Variants in WDR72 observed in about 807,000 individuals in gnomAD.
WDR72 encodes the protein WD repeat domain 72.
In WDR72, 120 loss-of-function variants were observed where a neutral mutation model predicts 124.2. That is an observed-to-expected ratio of 0.97 (90% confidence interval 0.83 to 1.12). WDR72 has a LOEUF of 1.12. Ranked by LOEUF, WDR72 falls within the 50% of genes most tolerant of loss-of-function variation. The pLI, the probability that WDR72 is intolerant of heterozygous loss-of-function variation, is 0.00. For missense variants in WDR72, 1,387 were observed against 1,278.8 expected (o/e 1.08, Z -1.29); for synonymous variants, 452 against 441.7 (o/e 1.02, Z -0.29).
rs1361334691 is a variant in WDR72, at chr15:53,515,103, A to ACACACG, written c.*2595_*2596insCGTGTG. ...TGTATGTATACACACACACACACACACACAAATACATTCATAAATATCACC... is the reference window on the plus strand; with the variant it reads ...TGTATGTATACACACACACACACACACACACGCACAAATACATTCATAAATATCACC... On this transcript the variant is annotated 3_prime_UTR_variant, in exon 20 of 20. Coordinates refer to ENST00000360509, the MANE Select transcript of WDR72 (RefSeq NM_182758.4). The ACACACG allele has an allele frequency of 7.5e-6, 1 of 133,890 alleles. No homozygotes were observed. The highest frequency in any genetic ancestry group is 2.7e-5 in the African/African-American group (1 of 37,690). 8.3% of individuals were successfully genotyped at this position (133,890 alleles called of 1,614,324 possible). A position where few individuals can be genotyped will look rare whatever the true frequency, so the allele number is the denominator to read the frequency against.
At chr15:53,761,944 G>A (rs1329348771), upstream of WDR72, among the ~76,000 whole-genome samples, 1 of 152,106 alleles carries the variant, frequency 6.6e-6, no homozygotes. Context: ...CAGCATCCTA[G>A]CCTGTTGTGA....
At chr15:53,532,032 C>T (rs12440842) in intron 18 of WDR72, among the ~76,000 whole-genome samples, 38,554 of 151,964 alleles carry the variant, frequency 0.25, 5,142 homozygotes, top group African/African-American at 0.34. Context: ...AGAGGAAACA[C>T]AACCCAAAGT....
intron 13 of WDR72, among the ~76,000 whole-genome samples, chr15:53,667,933 T>C (rs2015836047): frequency 1.3e-5 from 2 of 152,200 alleles, no homozygotes; most frequent in African/African-American, 4.8e-5. Context: ...TTGTAATCCA[T>C]TTTCATTCAT....
chr15:53,660,212 TTTG>T (rs1172277286), intron 14 of WDR72, among the ~76,000 whole-genome samples: 3 of 148,234 alleles, frequency 2.0e-5, no homozygotes, highest in Non-Finnish European at 4.4e-5. Context: ...AAAATAAATA[TTTG>T]TTCTTTTTTT....
At chr15:53,575,483 C>T (rs1479966120) in intron 18 of WDR72, among the ~76,000 whole-genome samples, 3 of 152,210 alleles carry the variant, frequency 2.0e-5, no homozygotes, top group South Asian at 4.1e-4. Context: ...TATCCCATAA[C>T]ACAACTTTAC....
intron 14 of WDR72, among the ~76,000 whole-genome samples, chr15:53,625,819 G>A (rs1189166569): frequency 1.3e-5 from 2 of 151,236 alleles, no homozygotes; most frequent in Non-Finnish European, 2.9e-5. Flanking sequence ...AAATGTAATA[G>A]GTGTGAAAGT....
intron 8 of WDR72, 43 bp downstream of exon 8, chr15:53,711,293 T>C (rs199853038): frequency 2.5e-6 from 4 of 1,613,724 alleles, no homozygotes; most frequent in Non-Finnish European, 3.4e-6. Flanking sequence ...CAAAGTTCAT[T>C]TTCTACCTGA....
chr15:53,647,209 C>G (rs118101825), intron 14 of WDR72, among the ~76,000 whole-genome samples: 4,293 of 152,158 alleles, frequency 0.028, 82 homozygotes, highest in Non-Finnish European at 0.043. Flanking sequence ...AATACTAACT[C>G]AGACACCAAA....
intron 1 of WDR72, chr15:53,756,605 A>AG (rs1036613003): frequency 6.6e-6 from 1 of 152,076 alleles, no homozygotes; most frequent in African/African-American, 2.4e-5. Context: ...AACTTGTTAA[A>AG]AAAAAAAGAC....
chr15:53,598,969 C>T (rs1267860379), intron 17 of WDR72, among the ~76,000 whole-genome samples: 1 of 151,912 alleles, frequency 6.6e-6, no homozygotes, highest in East Asian at 1.9e-4. Context: ...ACAAAAAATG[C>T]AAAAATTAGC....
chr15:53,744,931 C>T (rs1347614997), intron 1 of WDR72, among the ~76,000 whole-genome samples: 1 of 151,514 alleles, frequency 6.6e-6, no homozygotes, highest in African/African-American at 2.4e-5. Flanking sequence ...TCATGTTCTA[C>T]CAAAATACAC....
intron 14 of WDR72, among the ~76,000 whole-genome samples, chr15:53,659,257 C>T (rs774516791): frequency 2.0e-5 from 3 of 152,130 alleles, no homozygotes; most frequent in East Asian, 1.9e-4. Context: ...TTAAATACAT[C>T]GAGGGAACTT....
intron 14 of WDR72, among the ~76,000 whole-genome samples, chr15:53,657,325 C>T (rs934323155): frequency 4.3e-5 from 6 of 139,514 alleles, no homozygotes; most frequent in African/African-American, 1.3e-4. Flanking sequence ...AGAAAAAAGT[C>T]TAAATAAGCT....
intron 18 of WDR72, among the ~76,000 whole-genome samples, chr15:53,557,773 G>C (rs1386635449): frequency 6.6e-6 from 1 of 151,778 alleles, no homozygotes; most frequent in Non-Finnish European, 1.5e-5. Flanking sequence ...AGCATCTAAG[G>C]TTTCTATAAT....
chr15:53,664,843 TAA>T (rs140845562), intron 14 of WDR72, among the ~76,000 whole-genome samples: 13,543 of 152,040 alleles, frequency 0.089, 1,579 homozygotes, highest in African/African-American at 0.27. Context: ...CCATTAATAA[TAA>T]AAGTTACATA....
chr15:53,691,620 CAGATAGATAGATAGATAGATAGAT>C (rs71746507), intron 13 of WDR72, among the ~76,000 whole-genome samples: 25,277 of 145,584 alleles, frequency 0.17, 2,387 homozygotes, highest in Admixed American at 0.2. Context: ...GACAGACAGA[CAGATAGATAGATAGATAGATAGAT>C]AGATAGATAG....
chr15:53,522,220 T>C (rs181257921), intron 19 of WDR72, among the ~76,000 whole-genome samples: 2 of 152,142 alleles, frequency 1.3e-5, no homozygotes, highest in East Asian at 3.9e-4. Context: ...GTAACTCTCC[T>C]TGGGGAAGGA....
intron 14 of WDR72, among the ~76,000 whole-genome samples, chr15:53,623,886 C>T (rs1173302990): frequency 6.6e-6 from 1 of 152,158 alleles, no homozygotes; most frequent in Non-Finnish European, 1.5e-5. Flanking sequence ...TCCTGACTGG[C>T]ATGAGATGGT....
At chr15:53,564,653 C>A (rs548180072) in intron 18 of WDR72, among the ~76,000 whole-genome samples, 14 of 151,964 alleles carry the variant, frequency 9.2e-5, no homozygotes, top group African/African-American at 2.9e-4. Context: ...GCTGCTCTAA[C>A]CATTAGCATC....
Sources: allele counts gnomAD v4.1 joint callset (sites outside exome capture counted in the v4.1 genomes callset), GRCh38; gene constraint gnomAD v4.1.1; transcripts MANE v1.5; gene names NCBI Gene and HGNC (gene_info 2026-07-23, HGNC 2026-07-21).